Variants in ABTB3 observed in about 807,000 individuals in gnomAD.
ABTB3 encodes the protein ankyrin repeat- and BTB/POZ domain-containing protein 3.
At chr12:107,560,918 T>A in the ABTB3 span, among the ~76,000 whole-genome samples, 1 of 152,198 alleles carries the variant, frequency 6.6e-6, no homozygotes, top group African/African-American at 2.4e-5. Context: ...TGTGGCTCTA[T>A]CTTATGTTTT....
the ABTB3 span, among the ~76,000 whole-genome samples, chr12:107,494,313 C>G: frequency 6.6e-6 from 1 of 152,176 alleles, no homozygotes; most frequent in Non-Finnish European, 1.5e-5. Flanking sequence ...TCCCTCACCC[C>G]ACCCACGGTA....
chr12:107,640,288 T>G, the ABTB3 span: 1 of 1,379,226 alleles, frequency 7.3e-7, no homozygotes, highest in East Asian at 2.3e-5. Context: ...TAAAGCTACC[T>G]TTTTTTCCCT....
At chr12:107,403,878 T>C in the ABTB3 span, among the ~76,000 whole-genome samples, 88,619 of 151,932 alleles carry the variant, frequency 0.58, 26,458 homozygotes, top group African/African-American at 0.71. Context: ...GTAAACAGCA[T>C]ATGGCCGGGC....
At chr12:107,514,857 A>G in the ABTB3 span, among the ~76,000 whole-genome samples, 2 of 152,210 alleles carry the variant, frequency 1.3e-5, no homozygotes, top group African/African-American at 4.8e-5. Flanking sequence ...AGAAGGAGAA[A>G]TAATTCCAAG....
chr12:107,515,063 G>A, the ABTB3 span, among the ~76,000 whole-genome samples: 1 of 152,120 alleles, frequency 6.6e-6, no homozygotes, highest in Non-Finnish European at 1.5e-5. Flanking sequence ...AGGAAAACAA[G>A]GTCATTACTA....
the ABTB3 span, among the ~76,000 whole-genome samples, chr12:107,505,702 T>G: frequency 6.6e-6 from 1 of 152,124 alleles, no homozygotes; most frequent in South Asian, 2.1e-4. Flanking sequence ...CACTCTCCAA[T>G]AGGTCCCAAT....
the ABTB3 span, among the ~76,000 whole-genome samples, chr12:107,485,227 C>T: frequency 6.6e-6 from 1 of 152,124 alleles, no homozygotes; most frequent in African/African-American, 2.4e-5. Context: ...CTTCTTTCCT[C>T]TCCGTCTTGT....
chr12:107,625,593 G>GCTCC, the ABTB3 span, among the ~76,000 whole-genome samples: 1 of 152,118 alleles, frequency 6.6e-6, no homozygotes, highest in African/African-American at 2.4e-5. Flanking sequence ...AAGTGCTCTG[G>GCTCC]CTCCCACGTA....
the ABTB3 span, among the ~76,000 whole-genome samples, chr12:107,570,811 C>T: frequency 1.3e-5 from 2 of 152,328 alleles, no homozygotes; most frequent in East Asian, 1.9e-4. Context: ...CAGTCCCTCT[C>T]CTTCCGTTGC....
chr12:107,362,137 C>CT, the ABTB3 span, among the ~76,000 whole-genome samples: 1 of 152,324 alleles, frequency 6.6e-6, no homozygotes, highest in East Asian at 1.9e-4. Context: ...CCCAAACAGA[C>CT]TAAGAGTGGC....
At chr12:107,423,843 A>C in the ABTB3 span, among the ~76,000 whole-genome samples, 2 of 152,208 alleles carry the variant, frequency 1.3e-5, no homozygotes, top group South Asian at 4.1e-4. Context: ...GCTTCATTGA[A>C]GTAACAGTTC....
At chr12:107,529,985 G>T in the ABTB3 span, among the ~76,000 whole-genome samples, 1 of 152,180 alleles carries the variant, frequency 6.6e-6, no homozygotes, top group Non-Finnish European at 1.5e-5. Flanking sequence ...AGAAAAGAGG[G>T]ACTTGATTCT....
At chr12:107,635,239 C>A in the ABTB3 span, 3 of 1,557,280 alleles carry the variant, frequency 1.9e-6, no homozygotes, top group Non-Finnish European at 2.6e-6. Flanking sequence ...TTGACTGAGG[C>A]TGGCCACAGC....
At chr12:107,341,690 G>A in the ABTB3 span, among the ~76,000 whole-genome samples, 3 of 152,128 alleles carry the variant, frequency 2.0e-5, no homozygotes, top group Admixed American at 1.3e-4. Flanking sequence ...TGAGGAGCTG[G>A]TATAGTTTGA....
At chr12:107,335,992 A>G in the ABTB3 span, among the ~76,000 whole-genome samples, 2 of 152,112 alleles carry the variant, frequency 1.3e-5, no homozygotes, top group African/African-American at 4.8e-5. Flanking sequence ...ATTGTTTGCA[A>G]TTCTGCTCCC....
chr12:107,383,252 C>T, the ABTB3 span, among the ~76,000 whole-genome samples: 2 of 152,222 alleles, frequency 1.3e-5, no homozygotes, highest in Non-Finnish European at 2.9e-5. Context: ...ATTTGCCCTG[C>T]AGGTATGGCT....
chr12:107,610,328 C>T, the ABTB3 span: 254 of 1,614,072 alleles, frequency 1.6e-4, no homozygotes, highest in African/African-American at 1.7e-3. Flanking sequence ...TGCTGGGGCC[C>T]GATGGGATCA....
At chr12:107,450,721 C>T in the ABTB3 span, among the ~76,000 whole-genome samples, 1 of 152,128 alleles carries the variant, frequency 6.6e-6, no homozygotes, top group Admixed American at 6.6e-5. Flanking sequence ...CTAGAGGTCA[C>T]TGGTTTCTCT....
the ABTB3 span, among the ~76,000 whole-genome samples, chr12:107,387,676 A>T: frequency 6.6e-6 from 1 of 152,234 alleles, no homozygotes; most frequent in Non-Finnish European, 1.5e-5. Flanking sequence ...TGTGCCAGGC[A>T]GCATGCTAGG....
Sources: gnomAD v4.1 joint callset for allele counts (sites outside exome capture counted in the v4.1 genomes callset) on GRCh38, gnomAD v4.1.1 for gene constraint, MANE v1.5 for transcripts, NCBI Gene and HGNC (gene_info 2026-07-23, HGNC 2026-07-21) for gene names.